Variants in DLC1 observed in about 807,000 individuals in gnomAD.
DLC1 encodes DLC1 Rho GTPase activating protein, also known as rho GTPase-activating protein 7.
DLC1 carries 54 observed loss-of-function variants against 140.3 expected under a neutral mutation model. The ratio of observed to expected loss-of-function variants is 0.38; its 90% CI spans 0.31 to 0.48. The LOEUF (loss-of-function observed/expected upper bound fraction) is 0.48, where lower values mean the gene tolerates loss of function less well. Ranked by LOEUF, DLC1 falls within the 20% of genes least tolerant of loss-of-function variation. The probability of loss-of-function intolerance (pLI) is 0.96; values close to 1 mark genes in which losing one functional copy is unlikely to be tolerated. For missense variants in DLC1, 2,536 were observed against 1,907.0 expected, an observed-to-expected ratio of 1.33 and a Z score of -6.14; for synonymous variants, 986 against 728.1, an observed-to-expected ratio of 1.35 and a Z score of -5.70.
intron 5 of DLC1, among the ~76,000 whole-genome samples, chr8:13,206,251 C>T (rs969626070): frequency 2.0e-5 from 3 of 152,136 alleles, no homozygotes; most frequent in Non-Finnish European, 4.4e-5. Flanking sequence ...CCTTGGAAAA[C>T]AACGTGGTTA....
intron 5 of DLC1, among the ~76,000 whole-genome samples, chr8:13,208,183 A>AACAATTTAACAATTTAAAC (rs1486182381): frequency 5.9e-5 from 9 of 152,248 alleles, no homozygotes; most frequent in Middle Eastern, 3.4e-3. Flanking sequence ...TATTGTTTTT[A>AACAATTTAACAATTTAAAC]GGTACTAAAC....
At chr8:13,397,632 C>G (rs533862070) in intron 3 of DLC1, among the ~76,000 whole-genome samples, 1 of 150,672 alleles carries the variant, frequency 6.6e-6, no homozygotes, top group Non-Finnish European at 1.5e-5. Context: ...AGCTCTAGAC[C>G]AGCCTGGGCA....
intron 5 of DLC1, among the ~76,000 whole-genome samples, chr8:13,117,636 G>C (rs1820669913): frequency 6.6e-6 from 1 of 152,238 alleles, no homozygotes; most frequent in African/African-American, 2.4e-5. Flanking sequence ...TGAACAGACT[G>C]TTAGACATTG....
At chr8:13,152,149 G>T (rs1342849017) in intron 5 of DLC1, among the ~76,000 whole-genome samples, 11 of 152,176 alleles carry the variant, frequency 7.2e-5, no homozygotes. Context: ...ATGCTTTGTG[G>T]GGCACAGGTT....
chr8:13,097,273 A>ATTT lies in DLC1; in HGVS notation c.3167+1123_3167+1125dup, dbSNP rs1554570287. Among the ~76,000 whole-genome samples the ATTT allele has an allele frequency of 2.6e-5, 4 of 150,950 alleles. No homozygotes were observed. The South Asian group carries it at 6.3e-4, about 24-fold the overall frequency. On this transcript the variant is annotated intron_variant, in intron 10 of 17. Transcript: ENST00000276297. The stretch of plus-strand genomic sequence containing the variant: ...ATTTATTATTATTATTATTATTATT[A>ATTT]TTTTTTGAGATAGAGTCTTACTCTG...
chr8:13,582,134 TC>T (rs1273837701), intron 1 of DLC1, among the ~76,000 whole-genome samples: 2 of 152,144 alleles, frequency 1.3e-5, no homozygotes, highest in African/African-American at 4.8e-5. Flanking sequence ...CTGGAGGTCA[TC>T]AAAAAGCGCT....
At chr8:13,539,087 A>C (rs78045208) in intron 1 of DLC1, among the ~76,000 whole-genome samples, 1,994 of 152,250 alleles carry the variant, frequency 0.013, 49 homozygotes, top group African/African-American at 0.045. Flanking sequence ...ATAATTTCAC[A>C]TTCTCCTATC....
chr8:13,110,446 C>T (rs1185258316), intron 7 of DLC1, among the ~76,000 whole-genome samples: 1 of 152,164 alleles, frequency 6.6e-6, no homozygotes, highest in Non-Finnish European at 1.5e-5. Flanking sequence ...TTTTAGGAAA[C>T]CTTAATCCAC....
intron 5 of DLC1, among the ~76,000 whole-genome samples, chr8:13,184,962 C>T (rs891697535): frequency 2.6e-5 from 4 of 152,034 alleles, no homozygotes; most frequent in Non-Finnish European, 5.9e-5. Context: ...TAAGGACTTG[C>T]TTTATGAATC....
At chr8:13,369,231 C>T (rs895597452) in intron 4 of DLC1, among the ~76,000 whole-genome samples, 3 of 151,984 alleles carry the variant, frequency 2.0e-5, no homozygotes, top group Non-Finnish European at 4.4e-5. Context: ...TTCTGTCTCT[C>T]TCCTGTCATG....
At chr8:13,383,758 C>T (rs1208725025) in intron 4 of DLC1, among the ~76,000 whole-genome samples, 1 of 152,108 alleles carries the variant, frequency 6.6e-6, no homozygotes, top group Admixed American at 6.5e-5. Context: ...CAAGCATTCC[C>T]ATTGAGAAAA....
intron 5 of DLC1, among the ~76,000 whole-genome samples, chr8:13,216,270 G>A (rs1287489241): frequency 5.3e-5 from 8 of 152,176 alleles, no homozygotes; most frequent in Non-Finnish European, 8.8e-5. Context: ...CTTAGAAAGA[G>A]TCAAAGTTGT....
chr8:13,594,932 T>C (rs1200011082), intron 1 of DLC1, among the ~76,000 whole-genome samples: 3 of 151,996 alleles, frequency 2.0e-5, no homozygotes, highest in African/African-American at 7.2e-5. Flanking sequence ...TGATGTTCAA[T>C]GTGACTATTG....
chr8:13,131,002 G>A (rs1296169995), intron 5 of DLC1, among the ~76,000 whole-genome samples: 1 of 152,184 alleles, frequency 6.6e-6, no homozygotes, highest in Admixed American at 6.5e-5. Context: ...GTGAATACAT[G>A]CAATCGCCAA....
chr8:13,340,911 A>G (rs1834012101), intron 4 of DLC1: 2 of 152,190 alleles, frequency 1.3e-5, no homozygotes, highest in African/African-American at 4.8e-5. Context: ...ATTGCAAGGG[A>G]ATTATTCCTA....
intron 5 of DLC1, among the ~76,000 whole-genome samples, chr8:13,220,245 T>C (rs1260199472): frequency 1.3e-5 from 2 of 152,148 alleles, no homozygotes; most frequent in Non-Finnish European, 2.9e-5. Context: ...GCAAGGGAAA[T>C]TGTGAAGCCT....
intron 1 of DLC1, among the ~76,000 whole-genome samples, chr8:13,600,541 C>T (rs1293126737): frequency 6.6e-6 from 1 of 151,844 alleles, no homozygotes. Context: ...CTCCAGCAGT[C>T]ATCTTCACCC....
At chr8:13,595,906 A>G (rs1344643900) in intron 1 of DLC1, among the ~76,000 whole-genome samples, 1 of 151,996 alleles carries the variant, frequency 6.6e-6, no homozygotes, top group Non-Finnish European at 1.5e-5. Context: ...ACCACATCAG[A>G]ATTTTCATTT....
chr8:13,481,822 C>T (rs1455090056), intron 2 of DLC1, among the ~76,000 whole-genome samples: 2 of 152,144 alleles, frequency 1.3e-5, no homozygotes, highest in African/African-American at 2.4e-5. Flanking sequence ...TAGAGATGGA[C>T]AGGCCAGTAT....
Sources: gnomAD v4.1 joint callset for allele counts (sites outside exome capture counted in the v4.1 genomes callset) on GRCh38, gnomAD v4.1.1 for gene constraint, MANE v1.5 for transcripts, NCBI Gene and HGNC (gene_info 2026-07-23, HGNC 2026-07-21) for gene names.